ARMC3: variants seen among roughly 807,000 people sequenced by gnomAD.
ARMC3 encodes the protein armadillo repeat containing 3.
ARMC3 carries 74 observed loss-of-function variants against 90.3 expected under a neutral mutation model. The observed-to-expected ratio is 0.82, with a 90% CI of 0.68 to 0.99. ARMC3 has a LOEUF of 0.99. ARMC3 is among the 50% of genes least tolerant of loss of function. The pLI is 0.00. For missense variants in ARMC3, 958 were observed against 1,042.8 expected (o/e 0.92, Z 1.12); for synonymous variants, 334 against 361.8 (o/e 0.92, Z 0.87).
intron 10 of ARMC3, among the ~76,000 whole-genome samples, chr10:22,991,648 C>T (rs149595231): frequency 6.3e-4 from 96 of 152,260 alleles, no homozygotes; most frequent in African/African-American, 2.3e-3. Context: ...TATAGGTAAA[C>T]TTCAAACAGC....
At chr10:22,933,853 T>A (rs543433725) in intron 2 of ARMC3, among the ~76,000 whole-genome samples, 1 of 152,066 alleles carries the variant, frequency 6.6e-6, no homozygotes, top group Non-Finnish European at 1.5e-5. Context: ...CCACTGCACT[T>A]CAGTCTAGGC....
chr10:22,949,606 AATGAGGT>A (rs1834662179), intron 3 of ARMC3, among the ~76,000 whole-genome samples: 1 of 152,186 alleles, frequency 6.6e-6, no homozygotes, highest in African/African-American at 2.4e-5. Flanking sequence ...ACAGAGATTC[AATGAGGT>A]ATGAGAAAAA....
chr10:23,020,114 TTTTTGTTTTG>T (rs964385176), intron 16 of ARMC3, among the ~76,000 whole-genome samples: 6 of 151,922 alleles, frequency 3.9e-5, no homozygotes, highest in South Asian at 4.1e-4. Flanking sequence ...TGAATGTAAG[TTTTTGTTTTG>T]TTTTGTTTTG....
Position 23,037,708 on chromosome 10 carries a change from C to G in ARMC3, c.*229C>G, listed in dbSNP as rs1588950052. The G allele has an allele frequency of 4.5e-6, 2 of 449,162 alleles. No individual in the cohort carries two copies. The highest frequency in any genetic ancestry group is 7.1e-5 in the East Asian group (2 of 28,128). 27.8% of individuals were successfully genotyped at this position (449,162 alleles called of 1,614,324 possible). A position where few individuals can be genotyped will look rare whatever the true frequency, so the allele number is the denominator to read the frequency against. ...TTAGGTCATTTTCCGCTCACTGACC[C>G]TCACATAAAGCTGATTGTTGTCGAA... On this transcript the variant is annotated 3_prime_UTR_variant, in exon 19 of 19. Transcript: ENST00000298032.
chr10:23,002,181 T>A (rs1564385262), intron 12 of ARMC3, 126 bp downstream of exon 12: 3 of 1,377,400 alleles, frequency 2.2e-6, no homozygotes, highest in Non-Finnish European at 1.9e-6. Flanking sequence ...AAGCGCTGCA[T>A]GTCCCCAGGG....
At chr10:23,008,019 G>A (rs1837709478) in intron 14 of ARMC3, among the ~76,000 whole-genome samples, 1 of 152,068 alleles carries the variant, frequency 6.6e-6, no homozygotes, top group African/African-American at 2.4e-5. Flanking sequence ...TGGGAGGATC[G>A]CTTGAGCCCC....
intron 12 of ARMC3, among the ~76,000 whole-genome samples, 186 bp downstream of exon 12, chr10:23,002,241 A>T (rs992276908): frequency 3.3e-5 from 5 of 152,190 alleles, no homozygotes; most frequent in African/African-American, 1.2e-4. Flanking sequence ...GTCCCGATTC[A>T]CCGCTCCCTC....
intron 16 of ARMC3, among the ~76,000 whole-genome samples, chr10:23,018,806 A>G (rs1838394364): frequency 6.6e-6 from 1 of 152,150 alleles, no homozygotes; most frequent in Non-Finnish European, 1.5e-5. Flanking sequence ...GTGAGCCACC[A>G]TGCCTGGCCG....
chr10:23,007,151 C>T (rs572383257), intron 14 of ARMC3, among the ~76,000 whole-genome samples, 170 bp downstream of exon 14: 1 of 152,272 alleles, frequency 6.6e-6, no homozygotes, highest in African/African-American at 2.4e-5. Context: ...ATGGAATAAC[C>T]ATGAAATAGC....
intron 3 of ARMC3, among the ~76,000 whole-genome samples, chr10:22,951,734 A>T (rs957979620): frequency 6.6e-6 from 1 of 152,228 alleles, no homozygotes; most frequent in African/African-American, 2.4e-5. Context: ...CAAAAGTGCC[A>T]CTCAAAGTAT....
At chr10:22,965,938 C>A (rs773474011) in intron 7 of ARMC3, among the ~76,000 whole-genome samples, 6 of 152,204 alleles carry the variant, frequency 3.9e-5, no homozygotes, top group Non-Finnish European at 8.8e-5. Flanking sequence ...TTCACCAACA[C>A]CTGTCCCTAA....
intron 16 of ARMC3, among the ~76,000 whole-genome samples, chr10:23,019,289 A>T (rs1243729290): frequency 6.6e-6 from 1 of 152,232 alleles, no homozygotes; most frequent in African/African-American, 2.4e-5. Flanking sequence ...GAGTAAAGAC[A>T]GACATTCCAT....
At chr10:23,018,815 C>T (rs142164010) in intron 16 of ARMC3, among the ~76,000 whole-genome samples, 110 of 152,252 alleles carry the variant, frequency 7.2e-4, no homozygotes, top group African/African-American at 2.4e-3. Context: ...CATGCCTGGC[C>T]GCACCTTGGT....
At chr10:22,940,882 T>C (rs1834300701) in intron 2 of ARMC3, among the ~76,000 whole-genome samples, 1 of 152,208 alleles carries the variant, frequency 6.6e-6, no homozygotes, top group Admixed American at 6.5e-5. Flanking sequence ...CATTTGTCCA[T>C]AACAAGACTT....
In ARMC3 at chr10:23,008,297, A is replaced by G; in HGVS notation, c.1851A>G (p.Glu617=). ...TTAGTTCTCCACCTTCATCTATGGA[A>G]GATAAATCAGATGTTGGTTATGGAC... ...KSYVSPPSSM[E]DKSDVGYGRS... is the part of the protein sequence containing the mutation. Residue 617 remains glutamate, a synonymous_variant, in exon 15 of 19, where the codon GAA becomes GAG. Transcript: ENST00000298032. 1 of 1,544,354 alleles carries G rather than the reference A, an allele frequency of 6.5e-7. No homozygotes were observed. The highest frequency in any genetic ancestry group is 8.8e-7 in the Non-Finnish European group (1 of 1,132,508).
chr10:23,005,069 C>T (rs564441623), intron 13 of ARMC3, among the ~76,000 whole-genome samples: 82 of 152,010 alleles, frequency 5.4e-4, no homozygotes, highest in Non-Finnish European at 9.1e-4. Flanking sequence ...AAAAATTAGC[C>T]GGGCGTGGTG....
chr10:22,990,977 C>T (rs1316853056), intron 10 of ARMC3, among the ~76,000 whole-genome samples: 1 of 151,854 alleles, frequency 6.6e-6, no homozygotes, highest in East Asian at 1.9e-4. Flanking sequence ...CTCCCCCTCT[C>T]TGCTTCCTCT....
At chr10:22,991,311 C>T (rs961088904) in intron 10 of ARMC3, among the ~76,000 whole-genome samples, 2 of 152,246 alleles carry the variant, frequency 1.3e-5, no homozygotes, top group African/African-American at 4.8e-5. Flanking sequence ...AGATTACCCC[C>T]TAGCCAGTAT....
intron 18 of ARMC3, 126 bp downstream of exon 18, chr10:23,033,149 C>A: frequency 2.2e-6 from 2 of 895,070 alleles, no homozygotes. Context: ...TTATTTATAT[C>A]TACATATAAG....
Sources: allele counts gnomAD v4.1 joint callset (sites outside exome capture counted in the v4.1 genomes callset), GRCh38; gene constraint gnomAD v4.1.1; transcripts MANE v1.5; gene names NCBI Gene and HGNC (gene_info 2026-07-23, HGNC 2026-07-21).